The following ATP13A4 variants were observed in gnomAD, a reference collection of about 807,000 sequenced individuals.
ATP13A4 encodes probable cation-transporting ATPase 13A4.
A neutral mutation model predicts 142.5 loss-of-function variants in ATP13A4; 114 were observed. The ratio of observed to expected loss-of-function variants is 0.80; its 90% CI spans 0.69 to 0.93. ATP13A4 has a LOEUF of 0.93. Among genes scored for constraint, ATP13A4 ranks in the 40% least tolerant of loss-of-function variants. The pLI is 0.00. For missense variants in ATP13A4, 1,392 were observed against 1,454.0 expected (o/e 0.96, Z 0.69); for synonymous variants, 488 against 514.8 (o/e 0.95, Z 0.70).
intron 16 of ATP13A4, among the ~76,000 whole-genome samples, chr3:193,454,760 C>G (rs1717487699): frequency 1.3e-5 from 2 of 152,114 alleles, no homozygotes; most frequent in Admixed American, 1.3e-4. Context: ...CTATAAAAGC[C>G]TGGAAGACAG....
chr3:193,586,657 A>G (rs1418388031), intron 1 of ATP13A4, among the ~76,000 whole-genome samples: 1 of 152,214 alleles, frequency 6.6e-6, no homozygotes, highest in African/African-American at 2.4e-5. Flanking sequence ...ATTTTGTCAA[A>G]AGCCAATTGA....
chr3:193,433,743 G>A, intron 25 of ATP13A4, 102 bp downstream of exon 25: 2 of 810,444 alleles, frequency 2.5e-6, no homozygotes, highest in Non-Finnish European at 4.4e-6. Flanking sequence ...GATCATTGCT[G>A]CTGTTGCAGC....
intron 1 of ATP13A4, 119 bp downstream of exon 1, chr3:193,554,621 T>C (rs1477343490): frequency 1.5e-6 from 2 of 1,352,846 alleles, no homozygotes; most frequent in Non-Finnish European, 2.1e-6. Flanking sequence ...CAGAGTGAAA[T>C]TTTAGAAAAG....
intron 25 of ATP13A4, among the ~76,000 whole-genome samples, chr3:193,426,690 C>A (rs961880862): frequency 1.3e-5 from 2 of 151,778 alleles, no homozygotes; most frequent in Middle Eastern, 3.2e-3. Flanking sequence ...AGCAATAAGC[C>A]CATACATCTA....
chr3:193,478,544 G>C (rs995408516), intron 8 of ATP13A4, among the ~76,000 whole-genome samples: 9 of 151,702 alleles, frequency 5.9e-5, no homozygotes, highest in African/African-American at 2.2e-4. Flanking sequence ...ATAAATTCCT[G>C]GAAATATACA....
intron 2 of ATP13A4, among the ~76,000 whole-genome samples, chr3:193,564,904 A>G (rs958541184): frequency 2.0e-5 from 3 of 152,114 alleles, no homozygotes; most frequent in African/African-American, 7.2e-5. Context: ...CACAAACCCT[A>G]CTGTGAACTG....
At chr3:193,497,675 T>C (rs1226671945) in intron 3 of ATP13A4, among the ~76,000 whole-genome samples, 1 of 152,144 alleles carries the variant, frequency 6.6e-6, no homozygotes, top group African/African-American at 2.4e-5. Context: ...TAAGGGTCTA[T>C]CAATGGATGA....
At chr3:193,543,797 G>A (rs1223483391) in intron 1 of ATP13A4, among the ~76,000 whole-genome samples, 1 of 152,114 alleles carries the variant, frequency 6.6e-6, no homozygotes, top group Non-Finnish European at 1.5e-5. Context: ...AAAAGAAACA[G>A]GTTAAAACAA....
At position 193,590,300 on chromosome 3, in the gene ATP13A4, C is replaced by T. The variant is rs1577092602; in HGVS notation, n.91+2721G>A. ...ATAATAGGAAAACATTCCTTGTGTG[C>T]TGAGTCCACCTCTGGGCGGGGCCAC... is the stretch of plus-strand genomic sequence containing the variant. On this transcript the variant is annotated intron_variant and non_coding_transcript_variant, in intron 1 of 3. Transcript: ENST00000489140. Among the ~76,000 whole-genome samples, 3 of 152,060 alleles carry T rather than the reference C, an allele frequency of 2.0e-5. No homozygotes were observed. In the East Asian group the frequency reaches 5.8e-4, roughly 29 times the overall value.
intron 1 of ATP13A4, among the ~76,000 whole-genome samples, chr3:193,527,272 T>A (rs1164350456): frequency 2.0e-5 from 3 of 152,094 alleles, no homozygotes; most frequent in African/African-American, 4.8e-5. Context: ...CCTTGTGCAA[T>A]TCTTCTGATA....
At chr3:193,543,166 T>TG (rs1723033621) in intron 1 of ATP13A4, among the ~76,000 whole-genome samples, 2 of 99,368 alleles carry the variant, frequency 2.0e-5, no homozygotes, top group Non-Finnish European at 4.7e-5. Context: ...AGACTCCATC[T>TG]CAAAAAAAAA....
At chr3:193,454,382 C>T (rs1161216622) in intron 16 of ATP13A4, among the ~76,000 whole-genome samples, 170 bp from the exon 17 acceptor site, 1 of 152,124 alleles carries the variant, frequency 6.6e-6, no homozygotes, top group Non-Finnish European at 1.5e-5. Context: ...GGGTTGACCT[C>T]TTCAGATGTA....
At chr3:193,528,053 T>C (rs1181880774) in intron 1 of ATP13A4, among the ~76,000 whole-genome samples, 1 of 152,236 alleles carries the variant, frequency 6.6e-6, no homozygotes, top group African/African-American at 2.4e-5. Context: ...GCTGTCCATG[T>C]AGTTTTCACT....
intron 2 of ATP13A4, among the ~76,000 whole-genome samples, chr3:193,561,398 A>G (rs1288752054): frequency 6.6e-6 from 1 of 152,204 alleles, no homozygotes; most frequent in Non-Finnish European, 1.5e-5. Context: ...CCAAAAGTCC[A>G]CTTAGGATTA....
In ATP13A4 at chr3:193,402,781, C is replaced by T. The variant is rs200366494; in HGVS notation, c.3462G>A (p.Trp1154Ter). ...GYQSKSQYRI[W>*]QRDLANDPSW... The stretch of plus-strand genomic sequence containing the variant: ...TAGGGTCATTTGCCAAGTCCCTCTG[C>T]CATATCCGATACTGGCTTTTTGACT... The change falls in exon 30 of 30, where the codon TGG (tryptophan) becomes TGA (stop). Residue 1154 changes from tryptophan to a stop codon, truncating the protein, a stop_gained. Coordinates refer to ENST00000342695, the MANE Select transcript of ATP13A4 (RefSeq NM_032279.4). LOFTEE classifies it high-confidence loss of function. 16 of 1,614,036 alleles carry T rather than the reference C, an allele frequency of 9.9e-6. No individual in the cohort carries two copies. Among genetic ancestry groups the T allele is most frequent in the Admixed American group, 1.7e-5 (1 of 60,002 alleles).
intron 3 of ATP13A4, among the ~76,000 whole-genome samples, chr3:193,497,865 C>T (rs1458978603): frequency 6.6e-6 from 1 of 152,020 alleles, no homozygotes; most frequent in Non-Finnish European, 1.5e-5. Flanking sequence ...TCTAAAAAAG[C>T]TGATGTCATA....
Position 193,435,650 on chromosome 3 carries a change from A to G in ATP13A4, c.2767T>C (p.Trp923Arg). Residue 923 changes from tryptophan to arginine, a missense_variant and splice_region_variant, in exon 24 of 30, where the codon TGG (tryptophan) becomes CGG (arginine). By Grantham distance (101) the Trp-to-Arg change is moderately radical. Transcript: ENST00000342695. ...AGAGGCTAAGTCCCAAGTCATACCC[A>G]GTAGAGCAGCAGAACACCAACATAC... ...IQYVGVLLLY[W>R]ETNSLSNYQF... The G allele has an allele frequency of 6.2e-7, 1 of 1,612,868 alleles. No homozygotes were observed. The highest frequency in any genetic ancestry group is 8.5e-7 in the Non-Finnish European group (1 of 1,178,894).
intron 26 of ATP13A4, 25 bp downstream of exon 26, chr3:193,414,554 G>A (rs1302474643): frequency 1.9e-6 from 3 of 1,610,726 alleles, no homozygotes; most frequent in Non-Finnish European, 2.5e-6. Context: ...AATGTGAGAA[G>A]CAGAAGCTGA....
intron 2 of ATP13A4, among the ~76,000 whole-genome samples, chr3:193,506,007 TG>T (rs1720842627): frequency 6.6e-6 from 1 of 152,218 alleles, no homozygotes; most frequent in Admixed American, 6.5e-5. Context: ...ATCTAAGGTT[TG>T]GCCCATAGCA....
Sources: allele counts gnomAD v4.1 joint callset (sites outside exome capture counted in the v4.1 genomes callset), GRCh38; gene constraint gnomAD v4.1.1; transcripts MANE v1.5; gene names NCBI Gene and HGNC (gene_info 2026-07-23, HGNC 2026-07-21).